ZNF92: variants seen among roughly 807,000 people sequenced by gnomAD.
ZNF92 encodes the protein zinc finger protein 92.
A neutral mutation model predicts 12.4 loss-of-function variants in ZNF92; 11 were observed. The ratio of observed to expected loss-of-function variants is 0.89; its 90% CI spans 0.56 to 1.47. The LOEUF (loss-of-function observed/expected upper bound fraction) is 1.47. Ranked by LOEUF, ZNF92 falls within the 40% of genes most tolerant of loss-of-function variation. ZNF92 has a pLI of 0.00. For synonymous variants in ZNF92, 206 were observed against 228.6 expected (o/e 0.90, Z 0.89); for missense variants, 622 against 681.0 (o/e 0.91, Z 0.96).
intron 1 of ZNF92, among the ~76,000 whole-genome samples, chr7:65,379,450 G>A (rs1275563047): frequency 1.3e-5 from 2 of 152,054 alleles, no homozygotes; most frequent in African/African-American, 2.4e-5. Flanking sequence ...AGGATTCCAG[G>A]TCTCCTGCCA....
chr7:65,376,773 A>G (rs1027522732), intron 1 of ZNF92, among the ~76,000 whole-genome samples: 2 of 152,120 alleles, frequency 1.3e-5, no homozygotes, highest in Non-Finnish European at 2.9e-5. Flanking sequence ...CTGGGTAATT[A>G]CAAACATAAT....
chr7:65,377,918 A>G (rs763776679), intron 1 of ZNF92, among the ~76,000 whole-genome samples: 1 of 152,164 alleles, frequency 6.6e-6, no homozygotes, highest in Non-Finnish European at 1.5e-5. Context: ...AAACATTTGA[A>G]TTCCAAAGGA....
chr7:65,377,152 C>T (rs1012043337), intron 1 of ZNF92, among the ~76,000 whole-genome samples: 16 of 152,066 alleles, frequency 1.1e-4, no homozygotes, highest in African/African-American at 3.6e-4. Context: ...TTCCTTCCCT[C>T]GTATTTATAC....
intron 1 of ZNF92, among the ~76,000 whole-genome samples, chr7:65,381,207 G>T (rs113035565): frequency 4.9e-4 from 74 of 151,862 alleles, no homozygotes; most frequent in African/African-American, 1.7e-3. Flanking sequence ...AGAGACGGGG[G>T]TTTCACCATA....
chr7:65,396,543 G>A (rs1332915538), intron 3 of ZNF92, among the ~76,000 whole-genome samples: 1 of 152,040 alleles, frequency 6.6e-6, no homozygotes, highest in Admixed American at 6.6e-5. Flanking sequence ...AACTTTAAGG[G>A]TTTGATGCTC....
chr7:65,396,993 A>G (rs977826044), intron 3 of ZNF92, among the ~76,000 whole-genome samples: 2 of 151,818 alleles, frequency 1.3e-5, no homozygotes, highest in Admixed American at 6.6e-5. Flanking sequence ...TTTTATCTTC[A>G]AGTATCCTCT....
chr7:65,377,019 A>G (rs1411022582), intron 1 of ZNF92, among the ~76,000 whole-genome samples: 6 of 152,110 alleles, frequency 3.9e-5, no homozygotes, highest in South Asian at 2.1e-4. Flanking sequence ...GGTACCTACT[A>G]AAAGTGTTCC....
chr7:65,395,401 C>T lies in ZNF92; in HGVS notation c.227-2940C>T, dbSNP rs1045662558. Among the ~76,000 whole-genome samples, 8 of 152,188 alleles carry T rather than the reference C, an allele frequency of 5.3e-5. No homozygotes were observed. The East Asian group carries it at 1.5e-3, about 29-fold the overall frequency. On this transcript the variant is annotated intron_variant, in intron 3 of 3. Coordinates refer to ENST00000328747, the MANE Select transcript of ZNF92 (RefSeq NM_152626.4). ...TTGGTATGTGTCCTAACAGAATACA[C>T]CAGCTGCAAATAAGAATATTGTGTA... is the stretch of plus-strand genomic sequence containing the variant.
intron 1 of ZNF92, 69 bp downstream of exon 1, chr7:65,374,069 TG>T: frequency 6.2e-7 from 1 of 1,607,892 alleles, no homozygotes. Flanking sequence ...GAAGTGGCTG[TG>T]GCGGGCCTCG....
At chr7:65,377,255 G>A (rs1454307917) in intron 1 of ZNF92, among the ~76,000 whole-genome samples, 4 of 152,076 alleles carry the variant, frequency 2.6e-5, no homozygotes, top group African/African-American at 7.2e-5. Context: ...TCAGCCCAAT[G>A]ACTCCAAGCT....
intron 2 of ZNF92, among the ~76,000 whole-genome samples, chr7:65,388,603 A>C (rs967584920): frequency 1.3e-5 from 2 of 151,642 alleles, no homozygotes; most frequent in South Asian, 2.1e-4. Flanking sequence ...GTGCCATTGC[A>C]CTCCAGCCTG....
chr7:65,376,820 G>T (rs1324928517), intron 1 of ZNF92, among the ~76,000 whole-genome samples: 2 of 152,046 alleles, frequency 1.3e-5, no homozygotes, highest in East Asian at 1.9e-4. Context: ...CCAAGGAAAA[G>T]AATAGAGATA....
At chr7:65,384,875 T>C (rs1045197268) in intron 1 of ZNF92, among the ~76,000 whole-genome samples, 9 of 152,170 alleles carry the variant, frequency 5.9e-5, no homozygotes, top group African/African-American at 2.2e-4. Context: ...TGTAACATAC[T>C]CTTGAGGACA....
At chr7:65,380,371 A>G (rs1158456920) in intron 1 of ZNF92, among the ~76,000 whole-genome samples, 3 of 152,018 alleles carry the variant, frequency 2.0e-5, no homozygotes, top group Admixed American at 6.6e-5. Flanking sequence ...GGCTCAAGCA[A>G]TCCTCCTACC....
intron 3 of ZNF92, among the ~76,000 whole-genome samples, chr7:65,391,249 C>T (rs1793702024): frequency 6.6e-6 from 1 of 152,076 alleles, no homozygotes; most frequent in African/African-American, 2.4e-5. Flanking sequence ...ATGCCTGGCT[C>T]TCTCAAAAGG....
chr7:65,399,626 T>G lies in ZNF92; in HGVS notation c.1512T>G (p.Thr504=), dbSNP rs758399991. The part of the protein sequence containing the change: ...SIFTKHKIIH[T]EGKSYKCEKC... ...TTACTAAACATAAGATAATTCACAC[T>G]GAAGGGAAATCCTACAAATGTGAAA... is the stretch of plus-strand genomic sequence containing the variant. Residue 504 remains threonine, a synonymous_variant, in exon 4 of 4, where the codon ACT becomes ACG. Coordinates refer to ENST00000328747, the MANE Select transcript of ZNF92 (RefSeq NM_152626.4). The G allele has an allele frequency of 9.9e-6, 16 of 1,613,790 alleles. No individual in the cohort carries two copies. Among genetic ancestry groups the G allele is most frequent in the Non-Finnish European group, 1.4e-5 (16 of 1,179,824 alleles).
chr7:65,384,648 A>G (rs1375933949), intron 1 of ZNF92, among the ~76,000 whole-genome samples: 1 of 152,172 alleles, frequency 6.6e-6, no homozygotes, highest in African/African-American at 2.4e-5. Flanking sequence ...ACAAGTAAAT[A>G]TAAACACAAT....
intron 3 of ZNF92, among the ~76,000 whole-genome samples, chr7:65,395,385 G>A (rs1404341454): frequency 6.6e-6 from 1 of 152,040 alleles, no homozygotes; most frequent in African/African-American, 2.4e-5. Context: ...CTTGGTATGT[G>A]TCCTAACAGA....
Position 65,400,290 on chromosome 7 carries a change from C to T in ZNF92, c.*415C>T, listed in dbSNP as rs1306853860. 8 of 154,884 alleles carry T rather than the reference C, an allele frequency of 5.2e-5. No homozygotes were observed. The highest frequency in any genetic ancestry group is 1.9e-4 in the Admixed American group (3 of 15,834). 9.6% of individuals were successfully genotyped at this position (154,884 alleles called of 1,614,324 possible). On this transcript the variant is annotated 3_prime_UTR_variant, in exon 4 of 4. Coordinates refer to ENST00000328747, the MANE Select transcript of ZNF92 (RefSeq NM_152626.4). Reference sequence around the variant, plus strand: ...TAGTACCTTTAGTTTTATGATAGATCTTATTGTACACATTTTGTACCAGAG... The same window carrying T: ...TAGTACCTTTAGTTTTATGATAGATTTTATTGTACACATTTTGTACCAGAG...
Sources: allele counts gnomAD v4.1 joint callset (sites outside exome capture counted in the v4.1 genomes callset), GRCh38; gene constraint gnomAD v4.1.1; transcripts MANE v1.5; gene names NCBI Gene and HGNC (gene_info 2026-07-23, HGNC 2026-07-21).